Variants in HMGB1 observed in about 807,000 individuals in gnomAD.
HMGB1 encodes high mobility group protein B1.
For missense variants in HMGB1, 79 were observed against 253.5 expected (o/e 0.31, Z 4.67); for synonymous variants, 81 against 84.0 (o/e 0.96, Z 0.19).
At chr13:30,538,734 CTTTCTTTCTTCTTT>C (rs1455631554) in intron 1 of HMGB1, among the ~76,000 whole-genome samples, 1 of 86,802 alleles carries the variant, frequency 1.2e-5, no homozygotes, top group African/African-American at 4.1e-5. Context: ...CTTTCTTTTT[CTTTCTTTCTTCTTT>C]TTCTTTCTTT....
intron 1 of HMGB1, among the ~76,000 whole-genome samples, chr13:30,517,787 CGGG>C (rs1449966439): frequency 6.6e-6 from 1 of 152,100 alleles, no homozygotes; most frequent in Non-Finnish European, 1.5e-5. Flanking sequence ...GTTCTCTCCA[CGGG>C]TATTTCAGCA....
intron 1 of HMGB1, among the ~76,000 whole-genome samples, chr13:30,533,680 A>G (rs1376736979): frequency 6.6e-6 from 1 of 152,064 alleles, no homozygotes; most frequent in Non-Finnish European, 1.5e-5. Flanking sequence ...TTTGGATTAC[A>G]TGACTCTCAG....
intron 1 of HMGB1, among the ~76,000 whole-genome samples, chr13:30,528,599 G>T (rs1222646158): frequency 6.6e-6 from 1 of 152,166 alleles, no homozygotes; most frequent in Non-Finnish European, 1.5e-5. Flanking sequence ...AGTTGTGTAT[G>T]CTGTGTGTTT....
intron 1 of HMGB1, chr13:30,464,338 G>C (rs1159088531): frequency 3.0e-6 from 3 of 985,236 alleles, no homozygotes; most frequent in East Asian, 2.3e-4. Flanking sequence ...AAACACGTCC[G>C]GTCTGAAGTT....
chr13:30,470,668 A>C (rs1390075038), upstream of HMGB1, among the ~76,000 whole-genome samples: 1 of 151,660 alleles, frequency 6.6e-6, no homozygotes, highest in Non-Finnish European at 1.5e-5. Flanking sequence ...TTTTTTTTTG[A>C]GACGGAGTCT....
chr13:30,490,825 T>C (rs1485794962), intron 1 of HMGB1, among the ~76,000 whole-genome samples: 1 of 151,870 alleles, frequency 6.6e-6, no homozygotes, highest in Non-Finnish European at 1.5e-5. Flanking sequence ...TTGATGTTGG[T>C]AGGTAGGCTT....
At chr13:30,578,093 G>T (rs1290644186) in intron 1 of HMGB1, among the ~76,000 whole-genome samples, 1 of 151,860 alleles carries the variant, frequency 6.6e-6, no homozygotes, top group African/African-American at 2.4e-5. Flanking sequence ...CTGACCCTCA[G>T]GCAGACTCTC....
intron 1 of HMGB1, among the ~76,000 whole-genome samples, chr13:30,545,391 A>C (rs1483868997): frequency 6.6e-6 from 1 of 150,430 alleles, no homozygotes; most frequent in Non-Finnish European, 1.5e-5. Flanking sequence ...TATATTAATA[A>C]TATTAATATT....
chr13:30,461,566 G>A (rs1886337771), intron 4 of HMGB1, 33 bp from the exon 5 acceptor site: 3 of 1,568,732 alleles, frequency 1.9e-6, no homozygotes, highest in Non-Finnish European at 2.6e-6. Context: ...AAACAGTAGG[G>A]AAGAAAAAAA....
At chr13:30,616,471 G>A (rs991490386) in intron 1 of HMGB1, among the ~76,000 whole-genome samples, 1 of 152,136 alleles carries the variant, frequency 6.6e-6, no homozygotes, top group African/African-American at 2.4e-5. Context: ...TTTACAAATA[G>A]TGTATTCCAT....
At chr13:30,609,638 GT>G (rs750015366) in intron 1 of HMGB1, among the ~76,000 whole-genome samples, 8 of 152,074 alleles carry the variant, frequency 5.3e-5, no homozygotes, top group Non-Finnish European at 1.2e-4. Flanking sequence ...GTGGTTTTTG[GT>G]TACATGGATA....
intron 1 of HMGB1, among the ~76,000 whole-genome samples, chr13:30,571,252 G>A (rs1870408008): frequency 6.6e-6 from 1 of 150,900 alleles, no homozygotes; most frequent in Non-Finnish European, 1.5e-5. Context: ...AAAGTAATAT[G>A]AGTGTGAGAA....
At chr13:30,510,117 T>A (rs566811281) in intron 1 of HMGB1, among the ~76,000 whole-genome samples, 5 of 152,206 alleles carry the variant, frequency 3.3e-5, no homozygotes, top group Non-Finnish European at 5.9e-5. Context: ...CACCACCTCC[T>A]GCTCAGGCCG....
intron 1 of HMGB1, among the ~76,000 whole-genome samples, chr13:30,481,837 CTTTCTTTTTTT>C (rs1311483094): frequency 6.6e-6 from 1 of 152,002 alleles, no homozygotes; most frequent in East Asian, 1.9e-4. Flanking sequence ...ATTCTTAAGT[CTTTCTTTTTTT>C]TTTCTTTTGA....
chr13:30,504,317 C>G (rs1053621199), intron 1 of HMGB1, among the ~76,000 whole-genome samples: 6 of 152,188 alleles, frequency 3.9e-5, no homozygotes, highest in Non-Finnish European at 7.3e-5. Flanking sequence ...ACTTTGTCTT[C>G]AAGTTTCTCA....
At chr13:30,525,251 T>C (rs549461817) in intron 1 of HMGB1, among the ~76,000 whole-genome samples, 3 of 152,362 alleles carry the variant, frequency 2.0e-5, no homozygotes, top group African/African-American at 7.2e-5. Flanking sequence ...TGTATGTTCC[T>C]GATAAATGAC....
At chr13:30,615,389 G>A (rs868674286) in intron 1 of HMGB1, among the ~76,000 whole-genome samples, 1 of 152,120 alleles carries the variant, frequency 6.6e-6, no homozygotes, top group African/African-American at 2.4e-5. Flanking sequence ...AAGTGTTACA[G>A]GGTATATAAA....
chr13:30,542,572 T>C (rs543999636), intron 1 of HMGB1: 35 of 159,772 alleles, frequency 2.2e-4, no homozygotes, highest in Admixed American at 6.5e-4. Context: ...CAGGCTCCAC[T>C]GTTTTCCAAT....
intron 4 of HMGB1, chr13:30,462,200 T>C: frequency 2.8e-6 from 1 of 357,164 alleles, no homozygotes; most frequent in Non-Finnish European, 5.4e-6. Flanking sequence ...ATATAGCCTA[T>C]ATTACTTTGT....
Sources: allele counts gnomAD v4.1 joint callset (sites outside exome capture counted in the v4.1 genomes callset), GRCh38; gene constraint gnomAD v4.1.1; transcripts MANE v1.5; gene names NCBI Gene and HGNC (gene_info 2026-07-23, HGNC 2026-07-21).